GRM7: variants seen among roughly 807,000 people sequenced by gnomAD.
GRM7 encodes glutamate metabotropic receptor 7.
GRM7 carries 35 observed loss-of-function variants against 84.5 expected under a neutral mutation model. That is an observed-to-expected ratio of 0.41 (90% CI 0.32 to 0.55). The LOEUF (loss-of-function observed/expected upper bound fraction) is 0.55. Among genes scored for constraint, GRM7 ranks in the 20% least tolerant of loss-of-function variants. The pLI, the probability that GRM7 is intolerant of heterozygous loss-of-function variation, is 0.19. For missense variants in GRM7, 1,003 were observed against 1,194.6 expected (o/e 0.84, Z 2.36); for synonymous variants, 487 against 455.1 (o/e 1.07, Z -0.89).
intron 4 of GRM7, among the ~76,000 whole-genome samples, chr3:7,329,680 C>G (rs959654599): frequency 2.0e-5 from 3 of 151,904 alleles, no homozygotes; most frequent in Non-Finnish European, 4.4e-5. Flanking sequence ...AAAAGTATAC[C>G]TGGTGTGTCT....
chr3:7,389,719 C>T (rs1694916933), intron 4 of GRM7, among the ~76,000 whole-genome samples: 1 of 151,556 alleles, frequency 6.6e-6, no homozygotes, highest in Non-Finnish European at 1.5e-5. Context: ...AATCTTCATC[C>T]CTTTACTCTG....
intron 1 of GRM7, among the ~76,000 whole-genome samples, chr3:6,880,242 T>A (rs1474586635): frequency 2.0e-5 from 3 of 152,222 alleles, no homozygotes; most frequent in South Asian, 2.1e-4. Flanking sequence ...TACTTTATTT[T>A]ATGCATTTTA....
intron 1 of GRM7, among the ~76,000 whole-genome samples, chr3:7,116,293 T>A (rs1427551116): frequency 6.6e-6 from 1 of 152,174 alleles, no homozygotes; most frequent in African/African-American, 2.4e-5. Context: ...TCGTGAATTA[T>A]AACAACTGAG....
chr3:7,409,961 C>T (rs1182328519), intron 4 of GRM7, among the ~76,000 whole-genome samples: 2 of 152,116 alleles, frequency 1.3e-5, no homozygotes, highest in African/African-American at 4.8e-5. Flanking sequence ...AATAGTATTT[C>T]TCATTTCAGT....
At chr3:7,232,378 C>T (rs1000280199) in intron 2 of GRM7, among the ~76,000 whole-genome samples, 3 of 152,034 alleles carry the variant, frequency 2.0e-5, no homozygotes, top group Admixed American at 2.0e-4. Flanking sequence ...GTTGAGATAC[C>T]ATAAAGAGCT....
intron 8 of GRM7, among the ~76,000 whole-genome samples, chr3:7,580,238 G>A (rs1457560801): frequency 6.6e-6 from 1 of 152,210 alleles, no homozygotes; most frequent in Non-Finnish European, 1.5e-5. Flanking sequence ...ATAGTGATAA[G>A]ATATGGTGTC....
intron 1 of GRM7, among the ~76,000 whole-genome samples, chr3:7,145,923 T>A (rs530670582): frequency 5.4e-4 from 82 of 152,328 alleles, no homozygotes; most frequent in African/African-American, 1.9e-3. Context: ...ACAGAGCTAC[T>A]TTAAAATGTT....
intron 4 of GRM7, among the ~76,000 whole-genome samples, chr3:7,410,056 C>G (rs908309189): frequency 6.6e-6 from 1 of 152,124 alleles, no homozygotes; most frequent in Non-Finnish European, 1.5e-5. Flanking sequence ...TCCACCCTGA[C>G]AACCACATAC....
intron 1 of GRM7, among the ~76,000 whole-genome samples, chr3:6,889,560 C>T (rs1695847791): frequency 6.6e-6 from 1 of 152,120 alleles, no homozygotes. Context: ...ATTGAACCAG[C>T]CTTGCATCCC....
At chr3:7,226,647 C>G (rs1011330596) in intron 2 of GRM7, among the ~76,000 whole-genome samples, 1 of 152,112 alleles carries the variant, frequency 6.6e-6, no homozygotes, top group African/African-American at 2.4e-5. Flanking sequence ...TACAGGGCCA[C>G]CTTAGGTGTG....
intron 1 of GRM7, among the ~76,000 whole-genome samples, chr3:7,129,965 G>T (rs1693536247): frequency 6.6e-6 from 1 of 152,178 alleles, no homozygotes; most frequent in African/African-American, 2.4e-5. Context: ...GAGCAGTATA[G>T]ATTTTTGGAA....
chr3:7,508,842 C>T (rs1700112648), intron 7 of GRM7, among the ~76,000 whole-genome samples: 1 of 152,090 alleles, frequency 6.6e-6, no homozygotes, highest in Admixed American at 6.6e-5. Context: ...GAGTCCAGCA[C>T]CATCTTCATT....
At chr3:6,988,236 C>G (rs1291474276) in intron 1 of GRM7, among the ~76,000 whole-genome samples, 1 of 145,008 alleles carries the variant, frequency 6.9e-6, no homozygotes, top group Admixed American at 7.1e-5. Flanking sequence ...GTCTCGATCT[C>G]CTGACCTCAT....
intron 1 of GRM7, among the ~76,000 whole-genome samples, chr3:6,964,823 G>A (rs971448777): frequency 6.6e-6 from 1 of 152,120 alleles, no homozygotes; most frequent in African/African-American, 2.4e-5. Flanking sequence ...AGATTTCTTG[G>A]TATCTGACAG....
intron 2 of GRM7, among the ~76,000 whole-genome samples, chr3:7,277,467 T>C (rs1270056490): frequency 6.6e-6 from 1 of 151,972 alleles, no homozygotes; most frequent in African/African-American, 2.4e-5. Context: ...ATCTGGTTGT[T>C]TGGAGCTACC....
chr3:7,198,729 G>A (rs1194208103), intron 2 of GRM7, among the ~76,000 whole-genome samples: 1 of 152,078 alleles, frequency 6.6e-6, no homozygotes, highest in Non-Finnish European at 1.5e-5. Flanking sequence ...AAACCGAATT[G>A]TTATATGGGT....
At chr3:7,105,851 C>G (rs994525240) in intron 1 of GRM7, among the ~76,000 whole-genome samples, 10 of 151,476 alleles carry the variant, frequency 6.6e-5, no homozygotes, top group African/African-American at 2.4e-4. Context: ...ATTGAATGTA[C>G]ACAATAATAT....
chr3:6,991,931 C>G, intron 1 of GRM7, among the ~76,000 whole-genome samples: 1 of 152,040 alleles, frequency 6.6e-6, no homozygotes, highest in Non-Finnish European at 1.5e-5. Flanking sequence ...TCTCCCTATT[C>G]CCTACCTCGC....
intron 7 of GRM7, among the ~76,000 whole-genome samples, chr3:7,479,715 A>G (rs1038777989): frequency 6.6e-6 from 1 of 152,166 alleles, no homozygotes; most frequent in Non-Finnish European, 1.5e-5. Flanking sequence ...CATTTTACAG[A>G]TGAGAAACCA....
Sources: allele counts gnomAD v4.1 joint callset (sites outside exome capture counted in the v4.1 genomes callset), GRCh38; gene constraint gnomAD v4.1.1; transcripts MANE v1.5; gene names NCBI Gene and HGNC (gene_info 2026-07-23, HGNC 2026-07-21).